FAM53B: variants seen among roughly 807,000 people sequenced by gnomAD.
FAM53B encodes family with sequence similarity 53 member B, also known as protein FAM53B.
FAM53B carries 12 observed loss-of-function variants against 32.7 expected under a neutral mutation model. The ratio of observed to expected loss-of-function variants is 0.37; its 90% CI spans 0.24 to 0.59. The LOEUF is 0.59. Among genes scored for constraint, FAM53B ranks in the 20% least tolerant of loss-of-function variants. FAM53B has a pLI of 0.72. For missense variants in FAM53B, 477 were observed against 577.7 expected (o/e 0.83, Z 1.79); for synonymous variants, 234 against 228.7 (o/e 1.02, Z -0.21).
chr10:124,673,834 T>C (rs765647571), intron 4 of FAM53B, among the ~76,000 whole-genome samples: 6 of 152,210 alleles, frequency 3.9e-5, no homozygotes, highest in Non-Finnish European at 8.8e-5. Context: ...CAGACTCTCT[T>C]GGACAACGTC....
At chr10:124,716,493 C>T (rs1186265880) in intron 1 of FAM53B, among the ~76,000 whole-genome samples, 1 of 152,146 alleles carries the variant, frequency 6.6e-6, no homozygotes, top group Non-Finnish European at 1.5e-5. Flanking sequence ...GGAGGAATGA[C>T]ATTATTCAGG....
chr10:124,692,175 A>G (rs1413684429), intron 3 of FAM53B, among the ~76,000 whole-genome samples: 1 of 152,108 alleles, frequency 6.6e-6, no homozygotes, highest in Non-Finnish European at 1.5e-5. Flanking sequence ...CTGAGCTGGC[A>G]CCCTAATAAG....
intron 1 of FAM53B, among the ~76,000 whole-genome samples, chr10:124,740,388 A>T (rs1005000011): frequency 2.6e-5 from 4 of 152,218 alleles, no homozygotes; most frequent in South Asian, 2.1e-4. Context: ...GGGAACGGTA[A>T]ATTGCTTTTG....
chr10:124,623,854 C>G, intron 4 of FAM53B: 2 of 486,444 alleles, frequency 4.1e-6, no homozygotes, highest in Middle Eastern at 5.2e-4. Flanking sequence ...GCAAAGCACA[C>G]AAATTTGATG....
At chr10:124,648,940 G>C (rs1418527501) in intron 4 of FAM53B, among the ~76,000 whole-genome samples, 1 of 152,236 alleles carries the variant, frequency 6.6e-6, no homozygotes. Context: ...CCACTTGCGG[G>C]AGACAGGATG....
chr10:124,715,119 A>G (rs1277000248), intron 1 of FAM53B, among the ~76,000 whole-genome samples: 1 of 152,242 alleles, frequency 6.6e-6, no homozygotes, highest in Non-Finnish European at 1.5e-5. Context: ...TTTGTCAGCT[A>G]AATGATCAAA....
chr10:124,662,587 A>G (rs1331105832), intron 4 of FAM53B, among the ~76,000 whole-genome samples: 1 of 152,156 alleles, frequency 6.6e-6, no homozygotes, highest in Non-Finnish European at 1.5e-5. Context: ...AGGCTCAGGC[A>G]GGAGGATGGC....
chr10:124,652,322 A>C (rs1949561051), intron 4 of FAM53B, among the ~76,000 whole-genome samples: 1 of 152,158 alleles, frequency 6.6e-6, no homozygotes, highest in African/African-American at 2.4e-5. Flanking sequence ...CCAGGGGTGA[A>C]CTGAGCAAGG....
chr10:124,682,502 C>T lies in FAM53B; in HGVS notation c.134-123G>A, dbSNP rs1279727998. On this transcript the variant is annotated intron_variant, in intron 3 of 4. Coordinates refer to ENST00000337318, the MANE Select transcript of FAM53B (RefSeq NM_014661.4). This position sits in a 1 kb window ranked among gnomAD's most constrained non-coding sequence, Gnocchi z 5.2. ...CTTAGAGCCAAAAGGCCCTTAGAAACCATCCAGTCCAACCTCATTTTACAG... is the reference window on the plus strand; with the variant it reads ...CTTAGAGCCAAAAGGCCCTTAGAAATCATCCAGTCCAACCTCATTTTACAG... 1.3e-6 allele frequency: 1 copy of T among 771,248 alleles called. No homozygotes were observed. Among genetic ancestry groups the T allele is most frequent in the Non-Finnish European group, 2.0e-6 (1 of 491,820 alleles). The allele number at this position is 771,248 out of a possible 1,614,324, so 47.8% of individuals were successfully genotyped here.
At chr10:124,726,626 C>T (rs989756903) in intron 1 of FAM53B, among the ~76,000 whole-genome samples, 4 of 152,098 alleles carry the variant, frequency 2.6e-5, no homozygotes, top group South Asian at 4.1e-4. Context: ...CGGTGAAATA[C>T]GTGTGAGAAT....
intron 4 of FAM53B, among the ~76,000 whole-genome samples, chr10:124,670,793 G>A (rs996184415): frequency 6.6e-6 from 1 of 152,212 alleles, no homozygotes; most frequent in East Asian, 1.9e-4. Flanking sequence ...CTCTCATCCT[G>A]CCTGGTGATC....
chr10:124,662,934 G>T (rs918288515), intron 4 of FAM53B, among the ~76,000 whole-genome samples: 1 of 152,180 alleles, frequency 6.6e-6, no homozygotes, highest in Non-Finnish European at 1.5e-5. Context: ...CCACTGCTTG[G>T]TCACCGCACC....
At chr10:124,646,897 G>A (rs1435727133) in intron 4 of FAM53B, among the ~76,000 whole-genome samples, 4 of 152,180 alleles carry the variant, frequency 2.6e-5, no homozygotes, top group Non-Finnish European at 4.4e-5. Context: ...TATGGGTGTC[G>A]ACCTCTCCAG....
At chr10:124,700,952 T>G (rs574372924) in intron 2 of FAM53B, among the ~76,000 whole-genome samples, 33 of 152,196 alleles carry the variant, frequency 2.2e-4, no homozygotes, top group South Asian at 8.3e-4. Context: ...GATCCAGGCC[T>G]GAGACAAGAA....
At chr10:124,707,119 G>C (rs12763093) in intron 1 of FAM53B, among the ~76,000 whole-genome samples, 31,659 of 152,044 alleles carry the variant, frequency 0.21, 3,724 homozygotes, top group Non-Finnish European at 0.26. Flanking sequence ...CTGGTGGATA[G>C]AACAACAAAT....
chr10:124,649,854 A>G (rs1015343087), intron 4 of FAM53B, among the ~76,000 whole-genome samples: 9 of 152,106 alleles, frequency 5.9e-5, no homozygotes, highest in Non-Finnish European at 1.2e-4. Context: ...GCAACCAAAT[A>G]TACATAAGTC....
chr10:124,655,991 G>A lies in FAM53B; in HGVS notation c.906+25616C>T, dbSNP rs958294728. Among the ~76,000 whole-genome samples, 7 of 152,208 alleles carry A rather than the reference G, an allele frequency of 4.6e-5. No homozygotes were observed. In the South Asian group the frequency reaches 8.3e-4, roughly 18 times the overall value. Reference sequence around the variant, plus strand: ...TACCAAACAGAACTAGCCCCAGAACGGGATCCATCCAGCAGCAGGCAATGG... The same window carrying A: ...TACCAAACAGAACTAGCCCCAGAACAGGATCCATCCAGCAGCAGGCAATGG... On this transcript the variant is annotated intron_variant, in intron 4 of 4. Coordinates refer to ENST00000337318, the MANE Select transcript of FAM53B (RefSeq NM_014661.4).
At chr10:124,664,907 GC>G (rs1273127785) in intron 4 of FAM53B, among the ~76,000 whole-genome samples, 1 of 152,204 alleles carries the variant, frequency 6.6e-6, no homozygotes, top group South Asian at 2.1e-4. Flanking sequence ...CAGGACTGTT[GC>G]CTCTGGCTTT....
intron 2 of FAM53B, among the ~76,000 whole-genome samples, chr10:124,698,445 A>G (rs1431899970): frequency 6.6e-6 from 1 of 152,076 alleles, no homozygotes; most frequent in Non-Finnish European, 1.5e-5. Context: ...GTTCTAGACC[A>G]AGGGGGACCT....
Sources: gnomAD v4.1 joint callset for allele counts (sites outside exome capture counted in the v4.1 genomes callset) on GRCh38, gnomAD v4.1.1 for gene constraint, Gnocchi (gnomAD v3.1) non-coding constraint, MANE v1.5 for transcripts, NCBI Gene and HGNC (gene_info 2026-07-23, HGNC 2026-07-21) for gene names.